ZFYVE9: variants seen among roughly 807,000 people sequenced by gnomAD.
ZFYVE9 encodes the protein zinc finger FYVE-type containing 9.
Under a neutral mutation model 126.7 loss-of-function variants are expected in ZFYVE9, and 43 were observed. The ratio of observed to expected loss-of-function variants is 0.34; its 90% CI spans 0.27 to 0.44. The LOEUF (loss-of-function observed/expected upper bound fraction) is 0.44, where lower values mean the gene tolerates loss of function less well. ZFYVE9 is among the 20% of genes least tolerant of loss of function. The pLI, the probability that ZFYVE9 is intolerant of heterozygous loss-of-function variation, is 1.00. For synonymous variants in ZFYVE9, 521 were observed against 597.4 expected (o/e 0.87, Z 1.87); for missense variants, 1,476 against 1,697.0 (o/e 0.87, Z 2.29).
intron 3 of ZFYVE9, 45 bp downstream of exon 3, chr1:52,233,321 G>T: frequency 7.1e-7 from 1 of 1,398,624 alleles, no homozygotes; most frequent in Non-Finnish European, 9.7e-7. Flanking sequence ...GTGGTATAGA[G>T]AATGTGGGGA....
intron 1 of ZFYVE9, among the ~76,000 whole-genome samples, chr1:52,145,943 T>C (rs1459276085): frequency 1.3e-5 from 2 of 152,008 alleles, no homozygotes; most frequent in Non-Finnish European, 2.9e-5. Flanking sequence ...TTGTGTATAC[T>C]TGACCTGCAT....
At chr1:52,290,856 A>G (rs1645912664) in intron 10 of ZFYVE9, among the ~76,000 whole-genome samples, 1 of 152,190 alleles carries the variant, frequency 6.6e-6, no homozygotes, top group South Asian at 2.1e-4. Context: ...GGCATTTTAT[A>G]GATTTCCTTT....
Position 52,346,276 on chromosome 1 carries a change from C to A in ZFYVE9, c.*55C>A. 2 of 1,292,642 alleles carry A rather than the reference C, an allele frequency of 1.5e-6. No homozygotes were observed. Among genetic ancestry groups the A allele is most frequent in the South Asian group, 1.6e-5 (1 of 64,184 alleles). The allele number at this position is 1,292,642 out of a possible 1,614,324, so 80.1% of individuals were successfully genotyped here. A position where few individuals can be genotyped will look rare whatever the true frequency, so the allele number is the denominator to read the frequency against. On this transcript the variant is annotated 3_prime_UTR_variant, in exon 19 of 19. Transcript: ENST00000287727. ...GACTTGTTGCAACAGCAGTCATACC[C>A]AAATCATTTGCACTTTAAAACTGGA...
At chr1:52,314,467 A>ACC (rs1216239744) in intron 13 of ZFYVE9, among the ~76,000 whole-genome samples, 1 of 152,210 alleles carries the variant, frequency 6.6e-6, no homozygotes, top group Non-Finnish European at 1.5e-5. Context: ...GGATCACTTG[A>ACC]GGCCAAGAGT....
intron 12 of ZFYVE9, among the ~76,000 whole-genome samples, chr1:52,303,433 T>A (rs1254500742): frequency 1.3e-5 from 2 of 152,196 alleles, no homozygotes; most frequent in Non-Finnish European, 2.9e-5. Flanking sequence ...ATTCATTGAG[T>A]GCCTAAGATG....
At chr1:52,252,709 A>G in intron 4 of ZFYVE9, 1 of 439,450 alleles carries the variant, frequency 2.3e-6, no homozygotes. Context: ...GGGTTGCAAA[A>G]CATAACAGCC....
chr1:52,168,738 A>G (rs1644537238), intron 1 of ZFYVE9, among the ~76,000 whole-genome samples: 1 of 151,530 alleles, frequency 6.6e-6, no homozygotes, highest in Admixed American at 6.6e-5. Context: ...CTGGTTTTGA[A>G]CTCCTGGGAT....
intron 14 of ZFYVE9, among the ~76,000 whole-genome samples, chr1:52,334,060 G>A (rs1008176068): frequency 2.0e-5 from 3 of 150,256 alleles, no homozygotes; most frequent in Admixed American, 6.6e-5. Flanking sequence ...ACCGCTGCAC[G>A]TCAGCCTGGG....
intron 12 of ZFYVE9, among the ~76,000 whole-genome samples, chr1:52,300,317 C>T (rs978174984): frequency 6.6e-6 from 1 of 152,102 alleles, no homozygotes; most frequent in Non-Finnish European, 1.5e-5. Context: ...CTTGGCTGGG[C>T]GTAGTGGCTC....
chr1:52,344,891 A>G lies in ZFYVE9; in HGVS notation c.4063A>G (p.Lys1355Glu). 1 of 1,614,144 alleles carries G rather than the reference A, an allele frequency of 6.2e-7. No individual in the cohort carries two copies. Among genetic ancestry groups the G allele is most frequent in the Non-Finnish European group, 8.5e-7 (1 of 1,180,034 alleles). ...LALCPHLKLL[K>E]EDGMTKLGLR... ...TCTCTGTCCTCACCTGAAACTTCTGAAGGAAGATGGAATGACCAAACTGGG... is the reference window on the plus strand; with the variant it reads ...TCTCTGTCCTCACCTGAAACTTCTGGAGGAAGATGGAATGACCAAACTGGG... Residue 1355 changes from lysine to glutamate, a missense_variant, in exon 18 of 19, where the codon AAG (lysine) becomes GAG (glutamate). Physicochemically the swap from Lys to Glu is moderately conservative, Grantham distance 56. Around this residue, in one of 2 missense-constraint regions of ZFYVE9, gnomAD observed 669 missense variants for 902.4 expected, o/e 0.74. Coordinates refer to ENST00000287727, the MANE Select transcript of ZFYVE9 (RefSeq NM_004799.4).
At chr1:52,167,054 A>G (rs577754599) in intron 1 of ZFYVE9, among the ~76,000 whole-genome samples, 102 of 152,362 alleles carry the variant, frequency 6.7e-4, no homozygotes, top group African/African-American at 2.4e-3. Flanking sequence ...AAGTTTTGCA[A>G]AAGGAGTCAT....
chr1:52,343,984 A>C (rs1316580965), intron 17 of ZFYVE9, among the ~76,000 whole-genome samples: 1 of 152,072 alleles, frequency 6.6e-6, no homozygotes, highest in East Asian at 1.9e-4. Context: ...AAGCAGGAGA[A>C]TCACTTGAAC....
intron 1 of ZFYVE9, among the ~76,000 whole-genome samples, chr1:52,206,985 G>C (rs1028207036): frequency 2.0e-5 from 3 of 152,196 alleles, no homozygotes. Flanking sequence ...ATGTATGTAG[G>C]CATGTATTTA....
At chr1:52,244,765 G>A (rs1177094755) in intron 4 of ZFYVE9, among the ~76,000 whole-genome samples, 3 of 152,244 alleles carry the variant, frequency 2.0e-5, no homozygotes, top group South Asian at 4.1e-4. Context: ...TGCGATACAA[G>A]CATTTTAGTT....
intron 1 of ZFYVE9, among the ~76,000 whole-genome samples, chr1:52,177,109 G>C (rs373803458): frequency 3.3e-5 from 5 of 151,828 alleles, no homozygotes; most frequent in Non-Finnish European, 7.4e-5. Context: ...GCTGTAGACC[G>C]GAGCTGTTCC....
At chr1:52,188,313 TG>T (rs1183007457) in intron 1 of ZFYVE9, among the ~76,000 whole-genome samples, 2 of 152,076 alleles carry the variant, frequency 1.3e-5, no homozygotes, top group East Asian at 3.9e-4. Flanking sequence ...CAACGGACAC[TG>T]GGTCCTACTG....
chr1:52,327,701 C>G (rs939704279), intron 13 of ZFYVE9, among the ~76,000 whole-genome samples: 1 of 151,974 alleles, frequency 6.6e-6, no homozygotes, highest in African/African-American at 2.4e-5. Flanking sequence ...AGGCCGGGCG[C>G]GATGGCTCAC....
chr1:52,245,620 C>T (rs752813716), intron 4 of ZFYVE9, among the ~76,000 whole-genome samples: 3 of 152,170 alleles, frequency 2.0e-5, no homozygotes, highest in Non-Finnish European at 4.4e-5. Context: ...AGTGAAGTTA[C>T]GATTCAAACT....
At chr1:52,176,463 A>G (rs1411460201) in intron 1 of ZFYVE9, among the ~76,000 whole-genome samples, 2 of 152,334 alleles carry the variant, frequency 1.3e-5, no homozygotes, top group East Asian at 3.9e-4. Flanking sequence ...TTGAGGAGGC[A>G]GTCTGCCCAT....
Sources: allele counts gnomAD v4.1 joint callset (sites outside exome capture counted in the v4.1 genomes callset), GRCh38; gene constraint gnomAD v4.1.1; regional missense constraint gnomAD v4.1.1; transcripts MANE v1.5; gene names NCBI Gene and HGNC (gene_info 2026-07-23, HGNC 2026-07-21).